Variants in CLIC5 observed in about 807,000 individuals in gnomAD.
CLIC5 encodes the protein CLIC family member 5, also known as chloride intracellular channel protein 5.
Under a neutral mutation model 24.7 loss-of-function variants are expected in CLIC5, and 20 were observed. That is an observed-to-expected ratio of 0.81 (90% confidence interval 0.57 to 1.18). CLIC5 has a LOEUF of 1.18. CLIC5 is among the 50% of genes most tolerant of loss of function. The pLI is 0.00. For missense variants in CLIC5, 341 were observed against 326.1 expected, an observed-to-expected ratio of 1.05 and a Z score of -0.35; for synonymous variants, 159 against 135.6, an observed-to-expected ratio of 1.17 and a Z score of -1.20.
At chr6:46,083,230 C>T (rs530898731), upstream of CLIC5, among the ~76,000 whole-genome samples, 1 of 152,318 alleles carries the variant, frequency 6.6e-6, no homozygotes, top group South Asian at 2.1e-4. Flanking sequence ...GCTCAGTTTT[C>T]TGAGCCATTA....
intron 1 of CLIC5, among the ~76,000 whole-genome samples, chr6:46,072,305 G>A (rs1209773738): frequency 1.3e-5 from 2 of 151,910 alleles, no homozygotes; most frequent in Non-Finnish European, 2.9e-5. Flanking sequence ...GGATCCTAGG[G>A]AGATGGATGA....
At chr6:45,918,446 T>A (rs985258381) in intron 4 of CLIC5, among the ~76,000 whole-genome samples, 6 of 152,182 alleles carry the variant, frequency 3.9e-5, no homozygotes, top group African/African-American at 2.4e-5. Context: ...GCTGGCAAAC[T>A]CAGTGCAGCA....
chr6:45,953,212 C>T (rs1217123033), intron 2 of CLIC5, among the ~76,000 whole-genome samples: 1 of 152,078 alleles, frequency 6.6e-6, no homozygotes, highest in Non-Finnish European at 1.5e-5. Context: ...AGTAAGACCT[C>T]CTTCACAGGA....
chr6:45,959,184 G>A lies in CLIC5; in HGVS notation c.64-3940C>T, dbSNP rs568676916. Among the ~76,000 whole-genome samples, 20 of 152,248 alleles carry A rather than the reference G, an allele frequency of 1.3e-4. No homozygotes were observed. In the South Asian group the frequency reaches 3.5e-3, roughly 27 times the overall value. ...GGAAAATGGAGATTTATTTAAGACC[G>A]CGGTTCTCAAACTTTTTAGTCTTAG... On this transcript the variant is annotated intron_variant, in intron 1 of 5. Transcript: ENST00000339561.
At chr6:46,063,980 G>T (rs534114261) in intron 1 of CLIC5, among the ~76,000 whole-genome samples, 4 of 152,200 alleles carry the variant, frequency 2.6e-5, no homozygotes, top group African/African-American at 9.6e-5. Context: ...CAGTATGTCT[G>T]GCAGCCAAAA....
intron 4 of CLIC5, among the ~76,000 whole-genome samples, chr6:45,916,371 T>A (rs1234947966): frequency 6.6e-6 from 1 of 152,158 alleles, no homozygotes; most frequent in Non-Finnish European, 1.5e-5. Context: ...AGAGGGTGGG[T>A]ACTAAACAAT....
At chr6:45,986,515 C>T (rs1265781441) in intron 1 of CLIC5, among the ~76,000 whole-genome samples, 1 of 152,184 alleles carries the variant, frequency 6.6e-6, no homozygotes, top group Non-Finnish European at 1.5e-5. Context: ...TCTGCTCCAG[C>T]TTTTTGTGAG....
chr6:45,914,904 A>G (rs1373339829), intron 4 of CLIC5, among the ~76,000 whole-genome samples: 3 of 151,894 alleles, frequency 2.0e-5, no homozygotes, highest in Non-Finnish European at 4.4e-5. Flanking sequence ...TAAGTGAAAT[A>G]ATACTAGCCA....
At chr6:45,984,774 T>C (rs1481693642) in intron 1 of CLIC5, among the ~76,000 whole-genome samples, 1 of 152,110 alleles carries the variant, frequency 6.6e-6, no homozygotes, top group Non-Finnish European at 1.5e-5. Flanking sequence ...TCAAAATCAC[T>C]AATGAAGAAT....
At chr6:45,886,866 G>A (rs972511228) in intron 6 of CLIC5, among the ~76,000 whole-genome samples, 1 of 152,164 alleles carries the variant, frequency 6.6e-6, no homozygotes, top group Non-Finnish European at 1.5e-5. Flanking sequence ...GGAGGATTGT[G>A]TGCAAAACAA....
chr6:46,094,661 T>G, the CLIC5 span, among the ~76,000 whole-genome samples: 135 of 152,338 alleles, frequency 8.9e-4, no homozygotes, highest in Non-Finnish European at 1.6e-3. Flanking sequence ...AAGCTCCTCC[T>G]TTGTGACTTT....
intron 1 of CLIC5, chr6:46,014,767 A>G (rs1355056716): frequency 6.6e-6 from 1 of 152,244 alleles, no homozygotes. Context: ...GTTTCTGTCC[A>G]AGGAGCAAGG....
At chr6:45,934,391 A>G (rs933987134) in intron 4 of CLIC5, 1 of 151,884 alleles carries the variant, frequency 6.6e-6, no homozygotes, top group Non-Finnish European at 1.5e-5. Flanking sequence ...ACAGAGGAAT[A>G]CAGAGGTGGA....
At chr6:46,126,283 C>T in the CLIC5 span, among the ~76,000 whole-genome samples, 2 of 152,150 alleles carry the variant, frequency 1.3e-5, no homozygotes, top group Non-Finnish European at 2.9e-5. Context: ...ATGTCCTCTC[C>T]ATTCATTTTC....
chr6:45,922,073 A>C (rs748277048), intron 4 of CLIC5, among the ~76,000 whole-genome samples: 1 of 152,190 alleles, frequency 6.6e-6, no homozygotes, highest in African/African-American at 2.4e-5. Flanking sequence ...CAGATTCCCC[A>C]CTGTTCCCTC....
chr6:45,955,315 C>A, intron 1 of CLIC5, 71 bp from the exon 2 acceptor site: 1 of 1,102,128 alleles, frequency 9.1e-7, no homozygotes, highest in East Asian at 2.4e-5. Flanking sequence ...ATTGTAACAC[C>A]CAAATGCAGG....
chr6:45,982,706 T>C lies in CLIC5; in HGVS notation c.64-27462A>G, dbSNP rs371814271. On this transcript the variant is annotated intron_variant, in intron 1 of 5. Transcript: ENST00000339561. ...CGTCGTTGGCTGAAACGTTATTATG[T>C]GGTATGTGACTCTGCAACTCATGAG... Among the ~76,000 whole-genome samples the C allele has an allele frequency of 5.3e-5, 8 of 152,228 alleles. No homozygotes were observed. In the South Asian group the frequency reaches 1.4e-3, roughly 28 times the overall value.
chr6:46,066,155 T>G (rs926493768), intron 1 of CLIC5, among the ~76,000 whole-genome samples: 2 of 152,130 alleles, frequency 1.3e-5, no homozygotes, highest in African/African-American at 2.4e-5. Flanking sequence ...ACTCTATCTT[T>G]TGTACTTTTC....
chr6:46,055,336 C>T (rs1768217048), intron 1 of CLIC5, among the ~76,000 whole-genome samples: 1 of 152,200 alleles, frequency 6.6e-6, no homozygotes, highest in East Asian at 1.9e-4. Flanking sequence ...CTCCAGACCT[C>T]AGGTGATCTG....
Sources: gnomAD v4.1 joint callset for allele counts (sites outside exome capture counted in the v4.1 genomes callset) on GRCh38, gnomAD v4.1.1 for gene constraint, MANE v1.5 for transcripts, NCBI Gene and HGNC (gene_info 2026-07-23, HGNC 2026-07-21) for gene names.